P2RY12: variants seen among roughly 807,000 people sequenced by gnomAD.
P2RY12 encodes P2Y purinoceptor 12.
P2RY12 carries 3 observed loss-of-function variants against 4.5 expected under a neutral mutation model. The observed-to-expected ratio is 0.67, with a 90% CI of 0.31 to 1.74. The LOEUF (loss-of-function observed/expected upper bound fraction) is 1.74, where lower values mean the gene tolerates loss of function less well. Ranked by LOEUF, P2RY12 falls within the 40% of genes most tolerant of loss-of-function variation. The pLI, the probability that P2RY12 is intolerant of heterozygous loss-of-function variation, is 0.09. For missense variants in P2RY12, 356 were observed against 407.8 expected (o/e 0.87, Z 1.09); for synonymous variants, 148 against 154.1 (o/e 0.96, Z 0.29).
At chr3:151,356,713 C>G (rs1030950821) in intron 1 of P2RY12, among the ~76,000 whole-genome samples, 2 of 151,956 alleles carry the variant, frequency 1.3e-5, no homozygotes, top group East Asian at 1.9e-4. Flanking sequence ...TATAATAGAG[C>G]ATGTTTTAGG....
chr3:151,363,978 G>A (rs1339986854), intron 1 of P2RY12, among the ~76,000 whole-genome samples: 1 of 151,980 alleles, frequency 6.6e-6, no homozygotes, highest in East Asian at 1.9e-4. Flanking sequence ...GGCTGCCATT[G>A]ATGCAAGTAT....
At chr3:151,365,249 G>T in intron 1 of P2RY12, 1 of 1,499,194 alleles carries the variant, frequency 6.7e-7, no homozygotes, top group Non-Finnish European at 9.3e-7. Flanking sequence ...CCAAAGAGTT[G>T]TTGCCTTGGT....
At chr3:151,374,970 A>G (rs943816951) in intron 1 of P2RY12, among the ~76,000 whole-genome samples, 1 of 152,150 alleles carries the variant, frequency 6.6e-6, no homozygotes, top group African/African-American at 2.4e-5. Context: ...ATTATTTTGT[A>G]CTTTGCTATA....
At position 151,363,862 on chromosome 3, in the gene P2RY12, G is replaced by A. The variant is rs888033412; in HGVS notation, c.-180+20830C>T. On this transcript the variant is annotated intron_variant, in intron 1 of 2. Coordinates refer to ENST00000302632, the MANE Select transcript of P2RY12 (RefSeq NM_022788.5). ...GGAATAGAGCTGAAACTACATTTTG[G>A]TAAACATTGAACTGAACAATCTCTG... 2.0e-5 allele frequency among the ~76,000 whole-genome samples: 3 copies of A among 152,202 alleles called. No homozygotes were observed. In the South Asian group the frequency reaches 6.2e-4, roughly 32 times the overall value.
chr3:151,369,684 A>C (rs1755943214), intron 1 of P2RY12: 1 of 572,672 alleles, frequency 1.7e-6, no homozygotes, highest in African/African-American at 1.9e-5. Flanking sequence ...TGGAAAAATT[A>C]GTGGTTTCTC....
At chr3:151,360,115 A>C (rs1754428549) in intron 1 of P2RY12, among the ~76,000 whole-genome samples, 1 of 152,100 alleles carries the variant, frequency 6.6e-6, no homozygotes, top group African/African-American at 2.4e-5. Flanking sequence ...TTGCACGCTG[A>C]TGGAATTTGT....
chr3:151,369,156 A>G (rs904566643), intron 1 of P2RY12, among the ~76,000 whole-genome samples: 3 of 152,230 alleles, frequency 2.0e-5, no homozygotes, highest in African/African-American at 4.8e-5. Flanking sequence ...ATAGATAGGC[A>G]TGTGTCTGTG....
At chr3:151,348,222 A>G (rs1752764788) in intron 1 of P2RY12, among the ~76,000 whole-genome samples, 1 of 151,716 alleles carries the variant, frequency 6.6e-6, no homozygotes, top group Admixed American at 6.6e-5. Flanking sequence ...ACCATCTGAT[A>G]TGCCTTAACT....
At chr3:151,368,760 A>ATTT (rs201834162) in intron 1 of P2RY12, among the ~76,000 whole-genome samples, 1 of 80,314 alleles carries the variant, frequency 1.2e-5, no homozygotes, top group Non-Finnish European at 2.6e-5. Flanking sequence ...ATGTCATTTC[A>ATTT]TTTTTTTTTT....
rs1347665496 is a variant in P2RY12 at position 151,376,053 on chromosome 3, G to T, written c.-180+8639C>A. On this transcript the variant is annotated intron_variant, in intron 1 of 2. Coordinates refer to ENST00000302632, the MANE Select transcript of P2RY12 (RefSeq NM_022788.5). ...ATGGGTAGGAGAGCATTGCTTAAAA[G>T]AACCTGAAAGATTATGTACAGACAA... 6.3e-7 allele frequency: 1 copy of T among 1,593,160 alleles called. No homozygotes were observed. The highest frequency in any genetic ancestry group is 8.5e-7 in the Non-Finnish European group (1 of 1,172,226).
rs534469083 is a variant in P2RY12, at chr3:151,348,615, T to A, written c.-179-7855A>T. Among the ~76,000 whole-genome samples the A allele has an allele frequency of 3.7e-3, 557 of 151,868 alleles. 7 individuals are homozygous for A. Among genetic ancestry groups the A allele is most frequent in the Middle Eastern group, 0.014 (4 of 292 alleles). Reference sequence around the variant, plus strand: ...AGGCAAATTTGAACACCTGAAACATTAAGAATCATTTGGGGGTGGGGAATA... The same window carrying A: ...AGGCAAATTTGAACACCTGAAACATAAAGAATCATTTGGGGGTGGGGAATA... On this transcript the variant is annotated intron_variant, in intron 1 of 2. Transcript: ENST00000302632.
intron 1 of P2RY12, among the ~76,000 whole-genome samples, chr3:151,359,030 G>T (rs958061469): frequency 6.6e-6 from 1 of 152,124 alleles, no homozygotes; most frequent in Non-Finnish European, 1.5e-5. Context: ...GAAACCATCA[G>T]GAAGTGAGCA....
intron 1 of P2RY12, among the ~76,000 whole-genome samples, chr3:151,346,811 T>C (rs1382041418): frequency 1.3e-5 from 2 of 152,142 alleles, no homozygotes; most frequent in Non-Finnish European, 2.9e-5. Context: ...ACCTCTGTGT[T>C]AGGGCCCATA....
At chr3:151,347,453 G>A (rs1560057993) in intron 1 of P2RY12, among the ~76,000 whole-genome samples, 1 of 152,162 alleles carries the variant, frequency 6.6e-6, no homozygotes. Context: ...GAAAATAAGT[G>A]AATTATACTG....
At chr3:151,376,186 A>G (rs1293790168) in intron 1 of P2RY12, 1 of 1,596,962 alleles carries the variant, frequency 6.3e-7, no homozygotes, top group Non-Finnish European at 8.5e-7. Flanking sequence ...GACAATCTGC[A>G]AAGACAGCAC....
At chr3:151,348,378 A>G (rs981778547) in intron 1 of P2RY12, among the ~76,000 whole-genome samples, 5 of 147,876 alleles carry the variant, frequency 3.4e-5, no homozygotes, top group East Asian at 2.0e-4. Context: ...AAAGAAATAT[A>G]TCAGTAATTC....
chr3:151,339,777 T>C (rs1751562520), intron 2 of P2RY12, among the ~76,000 whole-genome samples: 1 of 97,924 alleles, frequency 1.0e-5, no homozygotes, highest in African/African-American at 4.0e-5. Context: ...ATTACCACAA[T>C]AGGCAGCTAT....
chr3:151,377,411 T>C (rs768252568), intron 1 of P2RY12, among the ~76,000 whole-genome samples: 37 of 152,218 alleles, frequency 2.4e-4, no homozygotes, highest in Non-Finnish European at 4.7e-4. Flanking sequence ...TCAGGTTTGG[T>C]TCATGCTTTC....
intron 1 of P2RY12, among the ~76,000 whole-genome samples, chr3:151,368,662 T>TTCATTTCATG (rs1560087241): frequency 1.3e-4 from 7 of 52,378 alleles, no homozygotes; most frequent in Non-Finnish European, 2.3e-4. Flanking sequence ...TTCATTTCAT[T>TTCATTTCATG]TCATTTCATT....
Sources: allele counts gnomAD v4.1 joint callset (sites outside exome capture counted in the v4.1 genomes callset), GRCh38; gene constraint gnomAD v4.1.1; transcripts MANE v1.5; gene names NCBI Gene and HGNC (gene_info 2026-07-23, HGNC 2026-07-21).